CNNM2: variants seen among roughly 807,000 people sequenced by gnomAD.
The protein encoded by CNNM2 is cyclin and CBS domain divalent metal cation transport mediator 2.
Under a neutral mutation model 66.9 loss-of-function variants are expected in CNNM2, and 12 were observed. The ratio of observed to expected loss-of-function variants is 0.18; its 90% confidence interval spans 0.11 to 0.29. The LOEUF (loss-of-function observed/expected upper bound fraction) is 0.29. Ranked by LOEUF, CNNM2 falls within the 10% of genes least tolerant of loss-of-function variation. The pLI, the probability that CNNM2 is intolerant of heterozygous loss-of-function variation, is 1.00. For synonymous variants in CNNM2, 557 were observed against 501.8 expected, an observed-to-expected ratio of 1.11 and a Z score of -1.47; for missense variants, 705 against 1,167.7, an observed-to-expected ratio of 0.60 and a Z score of 5.77.
intron 1 of CNNM2, among the ~76,000 whole-genome samples, chr10:102,983,826 C>T (rs1209221709): frequency 2.0e-5 from 3 of 151,282 alleles, no homozygotes; most frequent in East Asian, 2.0e-4. Context: ...AATACAGTGG[C>T]GGGATCTTGG....
At chr10:102,969,975 A>G (rs931579579) in intron 1 of CNNM2, among the ~76,000 whole-genome samples, 1 of 152,208 alleles carries the variant, frequency 6.6e-6, no homozygotes, top group African/African-American at 2.4e-5. Flanking sequence ...AGCTCTTGAA[A>G]GAATTTTTGT....
At chr10:103,060,497 A>T (rs2065366003) in intron 4 of CNNM2, among the ~76,000 whole-genome samples, 1 of 152,204 alleles carries the variant, frequency 6.6e-6, no homozygotes, top group Admixed American at 6.5e-5. Context: ...GTGAGCCGAG[A>T]TCGTGCCACT....
intron 1 of CNNM2, among the ~76,000 whole-genome samples, chr10:102,961,824 G>A (rs1307202555): frequency 1.3e-5 from 2 of 151,988 alleles, no homozygotes; most frequent in Non-Finnish European, 2.9e-5. Flanking sequence ...AGTTTGAGAG[G>A]CTGAGGCAGG....
intron 1 of CNNM2, among the ~76,000 whole-genome samples, chr10:102,971,463 C>T (rs928038613): frequency 6.6e-6 from 1 of 152,048 alleles, no homozygotes; most frequent in Non-Finnish European, 1.5e-5. Context: ...TAGGAAGTCA[C>T]TTACCCCCTC....
At chr10:103,015,652 G>A (rs970330147) in intron 1 of CNNM2, among the ~76,000 whole-genome samples, 6 of 152,020 alleles carry the variant, frequency 3.9e-5, no homozygotes, top group African/African-American at 1.2e-4. Flanking sequence ...TCGGGAGTTC[G>A]AGACCAGCCT....
At chr10:103,076,671 T>C (rs2065697483) in intron 7 of CNNM2, among the ~76,000 whole-genome samples, 7 of 152,208 alleles carry the variant, frequency 4.6e-5, no homozygotes, top group Admixed American at 6.5e-5. Flanking sequence ...GTCAGAGTAC[T>C]CATCTTGGTC....
rs1051285890 is a variant in CNNM2 at position 103,079,304 on chromosome 10, T to C, written c.*2124T>C. 4 of 152,324 alleles carry C rather than the reference T, an allele frequency of 2.6e-5. No individual in the cohort carries two copies. The highest frequency in any genetic ancestry group is 5.9e-5 in the Non-Finnish European group (4 of 68,110). 9.4% of individuals were successfully genotyped at this position (152,324 alleles called of 1,614,324 possible). A position where few individuals can be genotyped will look rare whatever the true frequency, so the allele number is the denominator to read the frequency against. The stretch of plus-strand genomic sequence containing the variant: ...GGGCATCTATCCCCCTCTTCGGGTC[T>C]GCGCAGTGCTGGCCTTCCCTGAGCT... On this transcript the variant is annotated 3_prime_UTR_variant, in exon 8 of 8. Coordinates refer to ENST00000369878, the MANE Select transcript of CNNM2 (RefSeq NM_017649.5).
chr10:103,056,391 G>A (rs916460758), intron 3 of CNNM2, among the ~76,000 whole-genome samples: 11 of 152,258 alleles, frequency 7.2e-5, no homozygotes, highest in Middle Eastern at 3.4e-3. Context: ...GTGTGTGTGC[G>A]CTGGCACTAA....
chr10:103,039,697 AG>A (rs1475678820), intron 1 of CNNM2, among the ~76,000 whole-genome samples: 1 of 152,254 alleles, frequency 6.6e-6, no homozygotes, highest in African/African-American at 2.4e-5. Flanking sequence ...GTGGCAGGGC[AG>A]CCCCAGTGGG....
At chr10:102,962,771 G>C (rs760310835) in intron 1 of CNNM2, among the ~76,000 whole-genome samples, 94 of 148,696 alleles carry the variant, frequency 6.3e-4, no homozygotes, top group Non-Finnish European at 1.1e-3. Flanking sequence ...TCTTTGCATA[G>C]AATAATTTTT....
chr10:103,012,789 T>C (rs886725724), intron 1 of CNNM2, among the ~76,000 whole-genome samples: 1 of 152,150 alleles, frequency 6.6e-6, no homozygotes, highest in African/African-American at 2.4e-5. Flanking sequence ...GCTAGAGTTA[T>C]AGTGAAATAT....
At chr10:103,055,428 G>A (rs895203834) in intron 3 of CNNM2, among the ~76,000 whole-genome samples, 4 of 152,228 alleles carry the variant, frequency 2.6e-5, no homozygotes, top group African/African-American at 9.6e-5. Flanking sequence ...AGAAAATATA[G>A]CTTAATACAA....
chr10:102,960,758 T>C (rs2063365550), intron 1 of CNNM2, among the ~76,000 whole-genome samples: 1 of 150,604 alleles, frequency 6.6e-6, no homozygotes, highest in South Asian at 2.1e-4. Context: ...TAGCTGAGAC[T>C]GTAGGTATGT....
chr10:103,042,703 T>A (rs2065063094), intron 1 of CNNM2, among the ~76,000 whole-genome samples: 1 of 152,238 alleles, frequency 6.6e-6, no homozygotes, highest in African/African-American at 2.4e-5. Context: ...TATGTTCATA[T>A]ACATTCTCTC....
chr10:102,959,254 A>C (rs1413293706), intron 1 of CNNM2, among the ~76,000 whole-genome samples: 1 of 152,120 alleles, frequency 6.6e-6, no homozygotes, highest in African/African-American at 2.4e-5. Context: ...TATATGCCAC[A>C]TTTACCCATA....
intron 2 of CNNM2, among the ~76,000 whole-genome samples, 196 bp downstream of exon 2, chr10:103,050,046 T>C (rs1273563395): frequency 6.6e-6 from 1 of 152,220 alleles, no homozygotes; most frequent in Non-Finnish European, 1.5e-5. Flanking sequence ...AGCGACAGCA[T>C]TCTTCTGAAC....
At chr10:103,022,041 CTGAG>C (rs1314645513) in intron 1 of CNNM2, among the ~76,000 whole-genome samples, 12 of 152,182 alleles carry the variant, frequency 7.9e-5, no homozygotes, top group Non-Finnish European at 5.9e-5. Flanking sequence ...ACGTGGCATT[CTGAG>C]TGAGTGAAAG....
At chr10:102,957,864 G>T (rs1329884573) in intron 1 of CNNM2, among the ~76,000 whole-genome samples, 1 of 152,210 alleles carries the variant, frequency 6.6e-6, no homozygotes, top group East Asian at 1.9e-4. Context: ...TCACAATATA[G>T]AATATAGTAC....
chr10:102,947,969 C>T (rs1418663662), intron 1 of CNNM2, among the ~76,000 whole-genome samples: 6 of 152,030 alleles, frequency 3.9e-5, no homozygotes, highest in East Asian at 1.9e-4. Context: ...AGGAGAATGG[C>T]GTGAACCCGG....
Sources: allele counts gnomAD v4.1 joint callset (sites outside exome capture counted in the v4.1 genomes callset), GRCh38; gene constraint gnomAD v4.1.1; transcripts MANE v1.5; gene names NCBI Gene and HGNC (gene_info 2026-07-23, HGNC 2026-07-21).